The following FBRSL1 variants were observed in gnomAD, a reference collection of about 807,000 sequenced individuals.
FBRSL1 encodes fibrosin-1-like protein.
A neutral mutation model predicts 89.6 loss-of-function variants in FBRSL1; 51 were observed. The observed-to-expected ratio is 0.57, with a 90% CI of 0.45 to 0.72. The LOEUF is 0.72. FBRSL1 is among the 30% of genes least tolerant of loss of function. FBRSL1 has a pLI of 0.00. For missense variants in FBRSL1, 1,618 were observed against 1,451.8 expected (o/e 1.11, Z -1.86); for synonymous variants, 779 against 681.1 (o/e 1.14, Z -2.24).
intron 4 of FBRSL1, among the ~76,000 whole-genome samples, chr12:132,530,619 C>T (rs1285046176): frequency 6.6e-6 from 1 of 151,842 alleles, no homozygotes; most frequent in African/African-American, 2.4e-5. Flanking sequence ...CTCCCCAGAG[C>T]ACTCTGTGTT....
chr12:132,530,408 C>T (rs181500278), intron 4 of FBRSL1, among the ~76,000 whole-genome samples: 47 of 152,172 alleles, frequency 3.1e-4, no homozygotes, highest in Middle Eastern at 3.4e-3. Context: ...GGACTCCTGT[C>T]GGCTCACTGT....
chr12:132,541,600 C>T (rs114101946), intron 4 of FBRSL1, among the ~76,000 whole-genome samples: 13 of 152,344 alleles, frequency 8.5e-5, no homozygotes, highest in African/African-American at 2.6e-4. Context: ...AGGACTGAGG[C>T]GGCCGAAAGG....
chr12:132,501,364 G>A (rs1172227057), intron 1 of FBRSL1, among the ~76,000 whole-genome samples: 3 of 152,176 alleles, frequency 2.0e-5, no homozygotes, highest in South Asian at 2.1e-4. Flanking sequence ...GCGTGGGCCC[G>A]GGCCGCCCTC....
intron 1 of FBRSL1, chr12:132,507,225 G>C (rs2033796780): frequency 2.0e-6 from 2 of 985,524 alleles, no homozygotes; most frequent in Non-Finnish European, 1.2e-6. Flanking sequence ...TCTGTCCTGG[G>C]CTTCACTGCT....
intron 15 of FBRSL1, chr12:132,581,057 C>CCAT (rs1291438019): frequency 4.1e-6 from 4 of 985,370 alleles, no homozygotes; most frequent in Non-Finnish European, 4.8e-6. Context: ...GAAGTGAGGA[C>CCAT]CATCTATCAG....
chr12:132,569,778 C>T, intron 6 of FBRSL1, 148 bp from the exon 7 acceptor site: 1 of 561,072 alleles, frequency 1.8e-6, no homozygotes, highest in East Asian at 3.6e-5. Flanking sequence ...GCTGTGTGGC[C>T]TCCGTGCCTG....
intron 2 of FBRSL1, chr12:132,511,597 T>G: frequency 1.0e-6 from 1 of 985,616 alleles, no homozygotes; most frequent in Non-Finnish European, 1.2e-6. Context: ...GAGAGCAGCG[T>G]TGACCACCTG....
At chr12:132,526,425 C>T (rs2035795524) in intron 3 of FBRSL1, among the ~76,000 whole-genome samples, 1 of 152,238 alleles carries the variant, frequency 6.6e-6, no homozygotes, top group Non-Finnish European at 1.5e-5. Context: ...TGAAGGAAGT[C>T]ACATTCTGGG....
Position 132,582,272 on chromosome 12 carries a change from T to C in FBRSL1, c.2201+6T>C. 2 of 1,549,168 alleles carry C rather than the reference T, an allele frequency of 1.3e-6. No homozygotes were observed. Among genetic ancestry groups the C allele is most frequent in the Non-Finnish European group, 1.7e-6 (2 of 1,146,370 alleles). On this transcript the variant is annotated splice_donor_region_variant and intron_variant, in intron 18 of 18. Transcript: ENST00000680143. The stretch of plus-strand genomic sequence containing the variant: ...GGCAAGGAGGAGCAGGAACGGTGAG[T>C]GGCCCTCTTGTTCCGTATCCCCACC...
chr12:132,572,524 C>T lies in FBRSL1; in HGVS notation c.1435-3C>T. 25 of 1,550,006 alleles carry T rather than the reference C, an allele frequency of 1.6e-5. No homozygotes were observed. The highest frequency in any genetic ancestry group is 2.2e-5 in the Non-Finnish European group (25 of 1,145,522). On this transcript the variant is annotated splice_region_variant and splice_polypyrimidine_tract_variant and intron_variant, in intron 10 of 18. Transcript: ENST00000680143. ...CCCTCCATCCGCTCTCCTTCTCTTA[C>T]AGTTCTTCCCGTCCTTCCCTCCTGC...
chr12:132,526,146 C>G (rs1217121302), intron 3 of FBRSL1, among the ~76,000 whole-genome samples: 1 of 152,236 alleles, frequency 6.6e-6, no homozygotes, highest in Non-Finnish European at 1.5e-5. Context: ...TGGCAGGAGC[C>G]CAGAGGCCAA....
chr12:132,510,376 G>A lies in FBRSL1; in HGVS notation c.489+2026G>A, dbSNP rs569749618. The A allele has an allele frequency of 1.9e-5, 24 of 1,231,724 alleles. No individual in the cohort carries two copies. In the Admixed American group the frequency reaches 5.5e-4, roughly 28 times the overall value. 76.3% of individuals were successfully genotyped at this position (1,231,724 alleles called of 1,614,324 possible). On this transcript the variant is annotated intron_variant, in intron 2 of 18. Coordinates refer to ENST00000680143, the MANE Select transcript of FBRSL1 (RefSeq NM_001367871.1). ...CTGGGCCATCCCTGCCGGCCCCTGC[G>A]GTCCCGGTGGACCCGATCCTGTGCC...
At position 132,525,795 on chromosome 12, in the gene FBRSL1, C is replaced by T. The variant is rs2035741347; in HGVS notation, c.551C>T (p.Ala184Val). 1.9e-6 allele frequency: 3 copies of T among 1,549,656 alleles called. No homozygotes were observed. The highest frequency in any genetic ancestry group is 1.4e-5 in the African/African-American group (1 of 73,032). The change falls in exon 3 of 19, where the codon GCC becomes GTC. Residue 184 changes from alanine to valine, a missense_variant. Coordinates refer to ENST00000680143, the MANE Select transcript of FBRSL1 (RefSeq NM_001367871.1). ...RDSDDDSVLE[A>V]TSSRDPLSDS... ...AGTGACGACGACAGCGTCCTCGAAG[C>T]CACCAGCTCCCGGGACCCGCTCAGC...
At chr12:132,542,495 G>A (rs1204755359) in intron 4 of FBRSL1, among the ~76,000 whole-genome samples, 3 of 152,234 alleles carry the variant, frequency 2.0e-5, no homozygotes, top group Non-Finnish European at 4.4e-5. Flanking sequence ...GCCCCAGGTA[G>A]TTCTGCTCAG....
chr12:132,570,460 C>A lies in FBRSL1; in HGVS notation c.1133C>A (p.Ala378Asp). ...CAGGCGCAGCACCAGCTCCACGCGG[C>A]CATGTTTGCCGCACCCCCGACACTG... is the stretch of plus-strand genomic sequence containing the variant. ...RSQAQHQLHA[A>D]MFAAPPTLPP... Residue 378 changes from alanine (A) to aspartate (D), a missense_variant, in exon 8 of 19, where the codon GCC becomes GAC. Transcript: ENST00000680143. 6.5e-7 allele frequency: 1 copy of A among 1,533,768 alleles called. No individual in the cohort carries two copies. Among genetic ancestry groups the A allele is most frequent in the South Asian group, 1.2e-5 (1 of 83,590 alleles).
chr12:132,572,371 G>C, intron 10 of FBRSL1, 27 bp downstream of exon 10: 1 of 1,549,862 alleles, frequency 6.5e-7, no homozygotes, highest in South Asian at 1.2e-5. Flanking sequence ...GGCCCGGCGC[G>C]TGTCGCTGTG....
At chr12:132,555,423 A>G (rs10747078) in intron 5 of FBRSL1, among the ~76,000 whole-genome samples, 7,596 of 36,716 alleles carry the variant, frequency 0.21, 766 homozygotes, top group Middle Eastern at 0.27. Flanking sequence ...GAGCGTGAGC[A>G]TGGCCTCCAC....
chr12:132,574,054 C>G (rs1472990821), intron 11 of FBRSL1, 36 bp from the exon 12 acceptor site: 1 of 1,233,780 alleles, frequency 8.1e-7, no homozygotes, highest in African/African-American at 1.6e-5. Flanking sequence ...CCTGGGCGGC[C>G]CCAGGCGCAC....
At chr12:132,545,751 T>A (rs1315819090) in intron 4 of FBRSL1, among the ~76,000 whole-genome samples, 1 of 152,188 alleles carries the variant, frequency 6.6e-6, no homozygotes, top group Non-Finnish European at 1.5e-5. Flanking sequence ...AGGCCACGGG[T>A]GCACCCATGT....
Sources: gnomAD v4.1 joint callset for allele counts (sites outside exome capture counted in the v4.1 genomes callset) on GRCh38, gnomAD v4.1.1 for gene constraint, MANE v1.5 for transcripts, NCBI Gene and HGNC (gene_info 2026-07-23, HGNC 2026-07-21) for gene names.